APLP2: variants seen among roughly 807,000 people sequenced by gnomAD.
APLP2 encodes amyloid beta precursor like protein 2.
Under a neutral mutation model 89.9 loss-of-function variants are expected in APLP2, and 53 were observed. That is an observed-to-expected ratio of 0.59 (90% CI 0.47 to 0.74). The LOEUF (loss-of-function observed/expected upper bound fraction) is 0.74. APLP2 is among the 30% of genes least tolerant of loss of function. The pLI is 0.00. For missense variants in APLP2, 973 were observed against 975.9 expected, an observed-to-expected ratio of 1.00 and a Z score of 0.04; for synonymous variants, 372 against 348.6, an observed-to-expected ratio of 1.07 and a Z score of -0.75.
chr11:130,073,857 A>G (rs1179702241), intron 1 of APLP2, among the ~76,000 whole-genome samples: 1 of 152,204 alleles, frequency 6.6e-6, no homozygotes, highest in African/African-American at 2.4e-5. Flanking sequence ...AAAAAAAGAA[A>G]TAACTTTAAT....
rs1213665702 is a variant in APLP2 at position 130,130,102 on chromosome 11, C to A, written c.1520C>A (p.Thr507Asn). The change falls in exon 11 of 17, where the codon ACC becomes AAC. Residue 507 changes from threonine to asparagine, a missense_variant. Transcript: ENST00000338167. ...VRAENKDRLH[T>N]IRHYQHVLAV... ...GCTGAGAACAAAGATCGCTTACATA[C>A]CATCCGTCATTACCAGCATGTGTTG... The A allele has an allele frequency of 2.5e-6, 4 of 1,614,256 alleles. No individual in the cohort carries two copies. Among genetic ancestry groups the A allele is most frequent in the Admixed American group, 1.7e-5 (1 of 60,038 alleles).
chr11:130,126,774 C>G lies in APLP2; in HGVS notation c.1165C>G (p.Arg389Gly), dbSNP rs751622676. The change falls in exon 8 of 17, where the codon CGC becomes GGC. Residue 389 changes from arginine to glycine, a missense_variant. By Grantham distance (125) the Arg-to-Gly change is moderately radical (BLOSUM62 -2). Transcript: ENST00000338167. ...CTCTGCAGATGATAATGAGCATGCT[C>G]GCTTCCAGAAGGCTAAGGAGCAGCT... ...ETSADDNEHARFQKAKEQLEI... is the reference protein window; with the variant it reads ...ETSADDNEHAGFQKAKEQLEI... 2 of 1,614,164 alleles carry G rather than the reference C, an allele frequency of 1.2e-6. No homozygotes were observed. The highest frequency in any genetic ancestry group is 8.5e-7 in the Non-Finnish European group (1 of 1,180,024).
chr11:130,075,289 A>G (rs1941919971), intron 1 of APLP2, among the ~76,000 whole-genome samples: 1 of 152,226 alleles, frequency 6.6e-6, no homozygotes, highest in Non-Finnish European at 1.5e-5. Context: ...ATCTAGGAGT[A>G]CAGTGCATAC....
At chr11:130,102,632 G>A (rs949646971) in intron 1 of APLP2, among the ~76,000 whole-genome samples, 2 of 152,182 alleles carry the variant, frequency 1.3e-5, no homozygotes, top group African/African-American at 4.8e-5. Context: ...TGGTCCTGAG[G>A]GCTTTGTGAA....
chr11:130,083,021 CTTTTCTT>C (rs1943467881), intron 1 of APLP2, among the ~76,000 whole-genome samples: 3 of 79,980 alleles, frequency 3.8e-5, no homozygotes, highest in African/African-American at 1.5e-4. Flanking sequence ...TGAAACTTTT[CTTTTCTT>C]TTTTTTTTTT....
intron 5 of APLP2, 64 bp downstream of exon 5, chr11:130,121,874 G>T: frequency 2.6e-6 from 4 of 1,562,808 alleles, no homozygotes; most frequent in Non-Finnish European, 3.4e-6. Context: ...TGTAAAGACG[G>T]CTGTTGGCTG....
intron 13 of APLP2, among the ~76,000 whole-genome samples, chr11:130,136,811 C>A (rs935269724): frequency 2.0e-5 from 3 of 152,188 alleles, no homozygotes; most frequent in African/African-American, 7.2e-5. Flanking sequence ...ATCCCCAAAT[C>A]TCTGTGGGTT....
intron 14 of APLP2, 49 bp downstream of exon 14, chr11:130,140,532 T>C (rs1446434619): frequency 1.9e-5 from 28 of 1,466,670 alleles, no homozygotes; most frequent in Non-Finnish European, 2.6e-5. Flanking sequence ...TTGAGACTCA[T>C]TAGAGCGAGT....
chr11:130,075,403 G>C (rs2135340385), intron 1 of APLP2, among the ~76,000 whole-genome samples: 1 of 152,230 alleles, frequency 6.6e-6, no homozygotes, highest in Non-Finnish European at 1.5e-5. Context: ...ACTTTCATTT[G>C]TAATTCATCC....
intron 13 of APLP2, 115 bp downstream of exon 13, chr11:130,135,830 C>G (rs1368798064): frequency 1.4e-5 from 18 of 1,304,650 alleles, no homozygotes; most frequent in Non-Finnish European, 1.9e-5. Context: ...CTGCGAGAGT[C>G]AGGGGAAGGG....
chr11:130,087,261 C>A (rs1944251438), intron 1 of APLP2, among the ~76,000 whole-genome samples: 1 of 152,172 alleles, frequency 6.6e-6, no homozygotes, highest in African/African-American at 2.4e-5. Flanking sequence ...AGGTTGAAGA[C>A]CTGCAGTCTG....
chr11:130,141,777 G>A lies in APLP2; in HGVS notation c.1999-142G>A, dbSNP rs1228257776. ...GAGTGGGCGTTCTCCACCTGTGGGTGGTTCCCTGCAAAGCAGGATCTTGGT... is the reference window on the plus strand; with the variant it reads ...GAGTGGGCGTTCTCCACCTGTGGGTAGTTCCCTGCAAAGCAGGATCTTGGT... On this transcript the variant is annotated intron_variant, in intron 15 of 16. Transcript: ENST00000338167. The surrounding 1 kb of genome is among the most constrained non-coding windows in gnomAD (Gnocchi z 4.2). The A allele has an allele frequency of 1.2e-5, 13 of 1,043,976 alleles. No individual in the cohort carries two copies. The highest frequency in any genetic ancestry group is 2.6e-5 in the Admixed American group (1 of 38,980). 64.7% of individuals were successfully genotyped at this position (1,043,976 alleles called of 1,614,324 possible). A position where few individuals can be genotyped will look rare whatever the true frequency, so the allele number is the denominator to read the frequency against.
intron 1 of APLP2, among the ~76,000 whole-genome samples, chr11:130,099,888 C>T (rs1031312113): frequency 1.3e-5 from 2 of 152,184 alleles, no homozygotes; most frequent in African/African-American, 4.8e-5. Flanking sequence ...CGTGCTTGCT[C>T]TGCGGCAGGC....
chr11:130,113,565 A>G (rs1179003128), intron 3 of APLP2, among the ~76,000 whole-genome samples: 2 of 152,196 alleles, frequency 1.3e-5, no homozygotes, highest in South Asian at 2.1e-4. Flanking sequence ...AAGGGGTGAC[A>G]TGACTGGAGT....
In APLP2 at chr11:130,123,978, C is replaced by G. The variant is rs902053442; in HGVS notation, c.1090+199C>G. Among the ~76,000 whole-genome samples, 2 of 152,116 alleles carry G rather than the reference C, an allele frequency of 1.3e-5. No homozygotes were observed. The highest frequency in any genetic ancestry group is 4.8e-5 in the African/African-American group (2 of 41,428). The stretch of plus-strand genomic sequence containing the variant: ...GCAGTGGTAAGCTCAGTTCTCGTGT[C>G]CTGTGCTCACCGTGTGTCTGGTGGT... On this transcript the variant is annotated intron_variant, in intron 7 of 16. Coordinates refer to ENST00000338167, the MANE Select transcript of APLP2 (RefSeq NM_001142276.2). This position sits in a 1 kb window ranked among gnomAD's most constrained non-coding sequence, Gnocchi z 4.0.
rs12281492 is a variant in APLP2 at position 130,141,900 on chromosome 11, C to T, written c.1999-19C>T. On this transcript the variant is annotated intron_variant, in intron 15 of 16. Coordinates refer to ENST00000338167, the MANE Select transcript of APLP2 (RefSeq NM_001142276.2). This position sits in a 1 kb window ranked among gnomAD's most constrained non-coding sequence, Gnocchi z 4.2. ...AGATGGTCACTGGGACTTTTTTCCA[C>T]GTCTGCTTTATTACGTAGGAATCCG... is the stretch of plus-strand genomic sequence containing the variant. 0.012 allele frequency: 19,191 copies of T among 1,585,126 alleles called. 1,879 individuals are homozygous for T. In the African/African-American group the frequency reaches 0.21, roughly 18 times the overall value.
In APLP2 at chr11:130,121,873, G is replaced by A. The variant is rs78715550; in HGVS notation, c.713+63G>A. 1.3e-3 allele frequency: 2,064 copies of A among 1,563,938 alleles called. 14 individuals carry two copies. In the African/African-American group the frequency reaches 0.019, roughly 14 times the overall value. Reference sequence around the variant, plus strand: ...TTTTTGTTAGCCCTTCTGTAAAGACGGCTGTTGGCTGCTAGTCCCTCACTT... The same window carrying A: ...TTTTTGTTAGCCCTTCTGTAAAGACAGCTGTTGGCTGCTAGTCCCTCACTT... On this transcript the variant is annotated intron_variant, in intron 5 of 16. Coordinates refer to ENST00000338167, the MANE Select transcript of APLP2 (RefSeq NM_001142276.2).
chr11:130,143,549 G>A lies in APLP2; in HGVS notation c.*101G>A, dbSNP rs758301370. The stretch of plus-strand genomic sequence containing the variant: ...AGCAGCAGCCGCTGCCAGGGGCTGC[G>A]TCTGACATCCTGACCTCCTGGACTG... On this transcript the variant is annotated 3_prime_UTR_variant, in exon 17 of 17. Coordinates refer to ENST00000338167, the MANE Select transcript of APLP2 (RefSeq NM_001142276.2). 87 of 962,866 alleles carry A rather than the reference G, an allele frequency of 9.0e-5. No homozygotes were observed. Among genetic ancestry groups the A allele is most frequent in the Admixed American group, 2.3e-4 (13 of 55,480 alleles). The allele number at this position is 962,866 out of a possible 1,614,324, so 59.6% of individuals were successfully genotyped here.
chr11:130,107,413 A>G (rs1947925373), intron 1 of APLP2, among the ~76,000 whole-genome samples: 1 of 149,986 alleles, frequency 6.7e-6, no homozygotes, highest in South Asian at 2.1e-4. Context: ...AAGCATTCCT[A>G]TACACCAATA....
Sources: gnomAD v4.1 joint callset for allele counts (sites outside exome capture counted in the v4.1 genomes callset) on GRCh38, gnomAD v4.1.1 for gene constraint, Gnocchi (gnomAD v3.1) non-coding constraint, MANE v1.5 for transcripts, NCBI Gene and HGNC (gene_info 2026-07-23, HGNC 2026-07-21) for gene names.